The following RTKN2 variants were observed in gnomAD, a reference collection of about 807,000 sequenced individuals.
The protein encoded by RTKN2 is rhotekin-2.
Under a neutral mutation model 71.5 loss-of-function variants are expected in RTKN2, and 69 were observed. The observed-to-expected ratio is 0.96, with a 90% CI of 0.79 to 1.18. RTKN2 has a LOEUF of 1.18. RTKN2 is among the 50% of genes most tolerant of loss of function. The probability of loss-of-function intolerance (pLI) is 0.00; values close to 1 mark genes in which losing one functional copy is unlikely to be tolerated. For synonymous variants in RTKN2, 236 were observed against 236.5 expected, an observed-to-expected ratio of 1.00 and a Z score of 0.02; for missense variants, 724 against 719.7, an observed-to-expected ratio of 1.01 and a Z score of -0.07.
chr10:62,198,094 T>TA lies in RTKN2; in HGVS notation c.1643dup (p.Met549AsnfsTer21), dbSNP rs772979184. 3.2e-5 allele frequency: 52 copies of TA among 1,614,146 alleles called. No homozygotes were observed. Among genetic ancestry groups the TA allele is most frequent in the South Asian group, 8.8e-5 (8 of 91,078 alleles). ...CCATTGGTTTCTGTAAGTGATGCAT[T>TA]AGAGTTGATAGTTTGGTATCCAAAG... On this transcript the variant is annotated frameshift_variant, in exon 12 of 12. Coordinates refer to ENST00000373789, the MANE Select transcript of RTKN2 (RefSeq NM_145307.4). LOFTEE classifies it high-confidence loss of function.
intron 7 of RTKN2, among the ~76,000 whole-genome samples, chr10:62,219,618 G>A (rs1160506962): frequency 1.3e-5 from 2 of 151,954 alleles, no homozygotes; most frequent in Non-Finnish European, 2.9e-5. Context: ...TATCATGTAA[G>A]CAACTTGCTG....
At chr10:62,189,604 T>G (rs561177033), downstream of RTKN2, among the ~76,000 whole-genome samples, 4 of 152,254 alleles carry the variant, frequency 2.6e-5, no homozygotes, top group East Asian at 5.8e-4. Flanking sequence ...GGCGGGCAGA[T>G]CACCTGAGGT....
chr10:62,205,173 A>AT (rs1348454564), intron 9 of RTKN2, 151 bp from the exon 10 acceptor site: 2 of 619,842 alleles, frequency 3.2e-6, no homozygotes, highest in Non-Finnish European at 5.3e-6. Context: ...AATTTTGAGA[A>AT]TTTTTTATAT....
At chr10:62,243,357 C>G (rs1301609320) in intron 3 of RTKN2, among the ~76,000 whole-genome samples, 1 of 152,014 alleles carries the variant, frequency 6.6e-6, no homozygotes, top group African/African-American at 2.4e-5. Context: ...GTAATTATGA[C>G]TTGGCTGATA....
intron 2 of RTKN2, among the ~76,000 whole-genome samples, chr10:62,253,179 A>G (rs1842613615): frequency 6.6e-6 from 1 of 152,154 alleles, no homozygotes; most frequent in Non-Finnish European, 1.5e-5. Flanking sequence ...TGAAACAAAT[A>G]CAAATAAGAA....
rs768717820 is a variant in RTKN2, at chr10:62,223,235, T to C, written c.781+3A>G. ...TAATAAGTAAAATATATACTGTACT[T>C]ACCATTTCCATTAATAGACAGATTA... On this transcript the variant is annotated splice_donor_region_variant and intron_variant, in intron 7 of 11. Transcript: ENST00000373789. 7 of 1,546,556 alleles carry C rather than the reference T, an allele frequency of 4.5e-6. No homozygotes were observed. The highest frequency in any genetic ancestry group is 1.7e-4 in the Middle Eastern group (1 of 5,938).
Position 62,185,660 on chromosome 10 carries a change from C to T in RTKN2, c.862-1273G>A, listed in dbSNP as rs543443836. ...TTTAGCAAAGACATTGACTCAGTTT[C>T]AAATCATGGTGAGACATCAAAGGAA... On this transcript the variant is annotated intron_variant, in intron 8 of 8. Transcript: ENST00000315289. 3.5e-4 allele frequency among the ~76,000 whole-genome samples: 54 copies of T among 152,114 alleles called. 2 individuals are homozygous for T. The highest frequency in any genetic ancestry group is 8.8e-5 in the Non-Finnish European group (6 of 68,012).
At chr10:62,185,338 C>T (rs999385284) in intron 8 of RTKN2, among the ~76,000 whole-genome samples, 4 of 152,142 alleles carry the variant, frequency 2.6e-5, no homozygotes, top group African/African-American at 7.2e-5. Context: ...TTTTGGCAGG[C>T]TGGGCACGGT....
Position 62,268,574 on chromosome 10 carries a change from G to A in RTKN2, c.37C>T (p.Leu13=), listed in dbSNP as rs774700674. 1.2e-5 allele frequency: 19 copies of A among 1,566,066 alleles called. No homozygotes were observed. In the South Asian group the frequency reaches 2.2e-4, roughly 18 times the overall value. Reference sequence around the variant, plus strand: ...ACCTGCTGGGTGGGAAGCCCCGCCAGGCGGAGCGCAGGACCCCTCAGGCTC... The same window carrying A: ...ACCTGCTGGGTGGGAAGCCCCGCCAAGCGGAGCGCAGGACCCCTCAGGCTC... ...GPSLRGPALR[L]AGLPTQQDCN... is the part of the protein sequence containing the mutation. The change falls in exon 1 of 12, where the codon CTG becomes TTG. Residue 13 remains leucine (L), a synonymous_variant. Coordinates refer to ENST00000373789, the MANE Select transcript of RTKN2 (RefSeq NM_145307.4).
intron 6 of RTKN2, among the ~76,000 whole-genome samples, chr10:62,235,626 A>C (rs1842240166): frequency 6.6e-6 from 1 of 151,894 alleles, no homozygotes. Context: ...AAAATTATTA[A>C]AAATATCATG....
intron 9 of RTKN2, among the ~76,000 whole-genome samples, chr10:62,214,140 C>A (rs1841718965): frequency 6.6e-6 from 1 of 151,764 alleles, no homozygotes; most frequent in Admixed American, 6.6e-5. Context: ...AATACTTTGT[C>A]ACCAGTTTCA....
chr10:62,235,005 G>C (rs1003675852), intron 6 of RTKN2, among the ~76,000 whole-genome samples: 1 of 151,760 alleles, frequency 6.6e-6, no homozygotes, highest in African/African-American at 2.4e-5. Flanking sequence ...ATCTAACTGC[G>C]AGGTTATAGG....
intron 9 of RTKN2, among the ~76,000 whole-genome samples, chr10:62,216,337 A>G (rs564087005): frequency 6.6e-6 from 1 of 152,190 alleles, no homozygotes; most frequent in Admixed American, 6.5e-5. Context: ...AATTAGGGGC[A>G]GCCCACAGGC....
Position 62,203,625 on chromosome 10 carries a change from G to A in RTKN2, c.1186+1232C>T, listed in dbSNP as rs527484854. Among the ~76,000 whole-genome samples, 7 of 152,326 alleles carry A rather than the reference G, an allele frequency of 4.6e-5. No homozygotes were observed. The South Asian group carries it at 6.2e-4, about 14-fold the overall frequency. ...CTCCCAGAGTGCTGGGATTACAGGC[G>A]TGAGCCACCGTGCCTGGCCTGAAAA... On this transcript the variant is annotated intron_variant, in intron 10 of 11. Coordinates refer to ENST00000373789, the MANE Select transcript of RTKN2 (RefSeq NM_145307.4).
chr10:62,185,680 A>G (rs1841124922), intron 8 of RTKN2, among the ~76,000 whole-genome samples: 2 of 152,190 alleles, frequency 1.3e-5, no homozygotes, highest in Non-Finnish European at 1.5e-5. Context: ...TGAGACATCA[A>G]AGGAAAAAAT....
intron 2 of RTKN2, among the ~76,000 whole-genome samples, chr10:62,250,669 G>T (rs1203933552): frequency 1.3e-5 from 2 of 152,102 alleles, no homozygotes; most frequent in Non-Finnish European, 2.9e-5. Flanking sequence ...TCACTCTGTT[G>T]CCCAGGCTGA....
chr10:62,184,631 A>G (rs1841106048), intron 8 of RTKN2, among the ~76,000 whole-genome samples: 1 of 152,238 alleles, frequency 6.6e-6, no homozygotes, highest in Non-Finnish European at 1.5e-5. Flanking sequence ...ATTCATGAAT[A>G]TGATTGGTTG....
At chr10:62,239,943 A>G (rs572806751) in intron 4 of RTKN2, among the ~76,000 whole-genome samples, 178 bp from the exon 5 acceptor site, 5 of 152,276 alleles carry the variant, frequency 3.3e-5, no homozygotes, top group African/African-American at 4.8e-5. Flanking sequence ...ACCTTACTCA[A>G]CTAGAACACA....
At chr10:62,258,936 C>G (rs1305783685) in intron 2 of RTKN2, among the ~76,000 whole-genome samples, 1 of 152,080 alleles carries the variant, frequency 6.6e-6, no homozygotes, top group Non-Finnish European at 1.5e-5. Context: ...ACTGTGTATC[C>G]TTAAAGAGTT....
Sources: gnomAD v4.1 joint callset for allele counts (sites outside exome capture counted in the v4.1 genomes callset) on GRCh38, gnomAD v4.1.1 for gene constraint, MANE v1.5 for transcripts, NCBI Gene and HGNC (gene_info 2026-07-23, HGNC 2026-07-21) for gene names.